N4BP1: variants seen among roughly 807,000 people sequenced by gnomAD.
N4BP1 encodes NEDD4 binding protein 1.
In N4BP1, 21 loss-of-function variants were observed where a neutral mutation model predicts 70.9. The ratio of observed to expected loss-of-function variants is 0.30; its 90% CI spans 0.21 to 0.43. The LOEUF (loss-of-function observed/expected upper bound fraction) is 0.43. Among genes scored for constraint, N4BP1 ranks in the 20% least tolerant of loss-of-function variants. The pLI is 1.00. For missense variants in N4BP1, 936 were observed against 1,069.4 expected (o/e 0.88, Z 1.74); for synonymous variants, 387 against 394.6 (o/e 0.98, Z 0.23).
At chr16:48,553,501 C>A (rs566868701) in intron 3 of N4BP1, 38 bp downstream of exon 3, 152 of 1,513,038 alleles carry the variant, frequency 1.0e-4, no homozygotes, top group Non-Finnish European at 1.3e-4. Flanking sequence ...ACTCATTAAA[C>A]ATTTCACTAG....
In N4BP1 at chr16:48,610,175, C is replaced by G. The variant is rs992637067; in HGVS notation, c.-203G>C. On this transcript the variant is annotated 5_prime_UTR_variant, in exon 1 of 7. Transcript: ENST00000262384. ...AGCTTGGCAATTGCTGGCAGCGAACCCCTCCGCCCCTTTGCCGCCGCCGCG... is the reference window on the plus strand; with the variant it reads ...AGCTTGGCAATTGCTGGCAGCGAACGCCTCCGCCCCTTTGCCGCCGCCGCG... 6.2e-6 allele frequency: 1 copy of G among 162,454 alleles called. No individual in the cohort carries two copies. Among genetic ancestry groups the G allele is most frequent in the Non-Finnish European group, 1.3e-5 (1 of 76,536 alleles). The allele number at this position is 162,454 out of a possible 1,614,324, so 10.1% of individuals were successfully genotyped here.
At chr16:48,589,065 A>G (rs1038976852) in intron 1 of N4BP1, among the ~76,000 whole-genome samples, 1 of 152,178 alleles carries the variant, frequency 6.6e-6, no homozygotes, top group African/African-American at 2.4e-5. Flanking sequence ...TAACTTGTAG[A>G]TTTTTGTCCA....
intron 1 of N4BP1, among the ~76,000 whole-genome samples, chr16:48,595,640 G>A (rs1267718942): frequency 6.6e-6 from 1 of 152,088 alleles, no homozygotes; most frequent in African/African-American, 2.4e-5. Flanking sequence ...TTACATAAGT[G>A]CAATAAGAAT....
In N4BP1 at chr16:48,543,083, T is replaced by G; in HGVS notation, c.2512A>C (p.Ser838Arg). ...PHFPLLPALP[S>R]LQQNLPMPAQ... ...GGCATGGGCAGGTTCTGCTGGAGAC[T>G]GGGGAGGGCTGGCAGCAGTGGGAAG... The change falls in exon 7 of 7, where the codon AGT (serine) becomes CGT (arginine). Residue 838 changes from serine to arginine, a missense_variant. Around this residue, in one of 4 missense-constraint regions of N4BP1, gnomAD observed 229 missense variants for 343.5 expected, o/e 0.67. Transcript: ENST00000262384. The G allele has an allele frequency of 6.2e-7, 1 of 1,613,774 alleles. No homozygotes were observed. Among genetic ancestry groups the G allele is most frequent in the Admixed American group, 1.7e-5 (1 of 60,018 alleles).
At chr16:48,593,815 G>A (rs970585372) in intron 1 of N4BP1, among the ~76,000 whole-genome samples, 1 of 152,064 alleles carries the variant, frequency 6.6e-6, no homozygotes, top group Non-Finnish European at 1.5e-5. Context: ...TTTGAGACTA[G>A]CCTGACCAAT....
chr16:48,565,179 G>C (rs1295978558), intron 1 of N4BP1, among the ~76,000 whole-genome samples: 1 of 152,188 alleles, frequency 6.6e-6, no homozygotes, highest in African/African-American at 2.4e-5. Context: ...GCAGTGGCTA[G>C]AAGTACAGCA....
chr16:48,561,124 C>T lies in N4BP1; in HGVS notation c.1519G>A (p.Val507Ile), dbSNP rs1963849117. ...TGGTGACTTGAAGCTCCCCTTGAAACAAAATTGACTTCTTTGGGACTTGGA... is the reference window on the plus strand; with the variant it reads ...TGGTGACTTGAAGCTCCCCTTGAAATAAAATTGACTTCTTTGGGACTTGGA... ...ASPSPKEVNFVSRGASSHQPR... is the reference protein window; with the variant it reads ...ASPSPKEVNFISRGASSHQPR... Residue 507 changes from valine (V) to isoleucine (I), a missense_variant, in exon 2 of 7, where the codon GTT becomes ATT. Around this residue, in one of 4 missense-constraint regions of N4BP1, gnomAD observed 515 missense variants for 491.7 expected, o/e 1.05. Transcript: ENST00000262384. The T allele has an allele frequency of 6.2e-7, 1 of 1,613,956 alleles. No homozygotes were observed. Among genetic ancestry groups the T allele is most frequent in the South Asian group, 1.1e-5 (1 of 91,088 alleles).
intron 4 of N4BP1, among the ~76,000 whole-genome samples, chr16:48,550,976 G>A (rs1963657762): frequency 6.6e-6 from 1 of 151,866 alleles, no homozygotes; most frequent in African/African-American, 2.4e-5. Flanking sequence ...AGTAGGGTCA[G>A]TTCAGACACT....
intron 3 of N4BP1, among the ~76,000 whole-genome samples, chr16:48,552,095 G>A (rs1395189249): frequency 6.6e-6 from 1 of 152,168 alleles, no homozygotes; most frequent in East Asian, 1.9e-4. Context: ...GAGGGTAGGG[G>A]TGAGGCTAGG....
chr16:48,566,678 T>A (rs1376310480), intron 1 of N4BP1, among the ~76,000 whole-genome samples: 1 of 152,152 alleles, frequency 6.6e-6, no homozygotes, highest in South Asian at 2.1e-4. Flanking sequence ...TGTACTCTGA[T>A]GTTGTTGAGT....
In N4BP1 at chr16:48,542,583, G is replaced by A. The variant is rs370169012; in HGVS notation, c.*321C>T. ...ACCATATCCATTTGTCAATATTTTCGGCTTTAAGGAAAATAGTTTAAAAAA... is the reference window on the plus strand; with the variant it reads ...ACCATATCCATTTGTCAATATTTTCAGCTTTAAGGAAAATAGTTTAAAAAA... On this transcript the variant is annotated 3_prime_UTR_variant, in exon 7 of 7. Coordinates refer to ENST00000262384, the MANE Select transcript of N4BP1 (RefSeq NM_153029.4). The A allele has an allele frequency of 3.0e-5, 6 of 201,062 alleles. No homozygotes were observed. Among genetic ancestry groups the A allele is most frequent in the African/African-American group, 6.9e-5 (3 of 43,192 alleles). 12.5% of individuals were successfully genotyped at this position (201,062 alleles called of 1,614,324 possible). A position where few individuals can be genotyped will look rare whatever the true frequency, so the allele number is the denominator to read the frequency against.
intron 6 of N4BP1, 118 bp downstream of exon 6, chr16:48,546,027 CAA>C (rs200705090): frequency 6.6e-3 from 3,171 of 480,804 alleles, no homozygotes; most frequent in South Asian, 0.011. Flanking sequence ...GACCTTGTCT[CAA>C]AAAAAAAAAA....
At chr16:48,605,567 C>G (rs1964567141) in intron 1 of N4BP1, among the ~76,000 whole-genome samples, 1 of 152,182 alleles carries the variant, frequency 6.6e-6, no homozygotes, top group Admixed American at 6.5e-5. Flanking sequence ...CTCTGGGCCC[C>G]CTATGGACAA....
chr16:48,550,974 C>T (rs1963657710), intron 4 of N4BP1, among the ~76,000 whole-genome samples: 1 of 151,572 alleles, frequency 6.6e-6, no homozygotes, highest in African/African-American at 2.4e-5. Flanking sequence ...ACAGTAGGGT[C>T]AGTTCAGACA....
chr16:48,543,017 C>A lies in N4BP1; in HGVS notation c.2578G>T (p.Ala860Ser). Residue 860 changes from alanine to serine, a missense_variant, in exon 7 of 7, where the codon GCC becomes TCC. By Grantham distance (99) the Ala-to-Ser change is moderately conservative (BLOSUM62 1). Around this residue, in one of 4 missense-constraint regions of N4BP1, gnomAD observed 229 missense variants for 343.5 expected, o/e 0.67. Transcript: ENST00000262384. Reference sequence around the variant, plus strand: ...GAGTCAGGGAAGATCTTCAGAAGGGCTTCCCTCAGCTCGTTGGTTTCTGCA... The same window carrying A: ...GAGTCAGGGAAGATCTTCAGAAGGGATTCCCTCAGCTCGTTGGTTTCTGCA... ...SSAETNELREALLKIFPDSEQ... is the reference protein window; with the variant it reads ...SSAETNELRESLLKIFPDSEQ... 1.2e-6 allele frequency: 2 copies of A among 1,613,934 alleles called. No homozygotes were observed. The highest frequency in any genetic ancestry group is 2.7e-5 in the African/African-American group (2 of 75,060).
In N4BP1 at chr16:48,609,761, G is replaced by C; in HGVS notation, c.198+14C>G. 7.4e-7 allele frequency: 1 copy of C among 1,342,332 alleles called. No homozygotes were observed. Among genetic ancestry groups the C allele is most frequent in the East Asian group, 3.2e-5 (1 of 31,540 alleles). 83.2% of individuals were successfully genotyped at this position (1,342,332 alleles called of 1,614,324 possible). On this transcript the variant is annotated intron_variant, in intron 1 of 6. Coordinates refer to ENST00000262384, the MANE Select transcript of N4BP1 (RefSeq NM_153029.4). ...TCGAGGCCGCGGGCGCGCGGGGGCG[G>C]CGGCCGGACTCACCTTGGCGCTGTG...
At chr16:48,604,420 G>T (rs1344119548) in intron 1 of N4BP1, among the ~76,000 whole-genome samples, 1 of 151,954 alleles carries the variant, frequency 6.6e-6, no homozygotes, top group Non-Finnish European at 1.5e-5. Flanking sequence ...GGGCATGGTG[G>T]CACATGCCTG....
Position 48,610,022 on chromosome 16 carries a change from C to A in N4BP1, c.-50G>T. 1.9e-6 allele frequency: 2 copies of A among 1,037,260 alleles called. No homozygotes were observed. The highest frequency in any genetic ancestry group is 2.3e-6 in the Non-Finnish European group (2 of 852,466). The allele number at this position is 1,037,260 out of a possible 1,614,324, so 64.3% of individuals were successfully genotyped here. ...CGCCGGGGGCCGGCGGCGGCGACGC[C>A]CCCTCAGCTTGCTGCCGCTGCTCCC... On this transcript the variant is annotated 5_prime_UTR_variant, in exon 1 of 7. Coordinates refer to ENST00000262384, the MANE Select transcript of N4BP1 (RefSeq NM_153029.4).
intron 4 of N4BP1, among the ~76,000 whole-genome samples, chr16:48,549,655 A>T (rs2151085823): frequency 6.6e-6 from 1 of 152,244 alleles, no homozygotes; most frequent in Non-Finnish European, 1.5e-5. Context: ...ATGCCACCTG[A>T]GTCTCACCCA....
Sources: gnomAD v4.1 joint callset for allele counts (sites outside exome capture counted in the v4.1 genomes callset) on GRCh38, gnomAD v4.1.1 for gene constraint, gnomAD v4.1.1 regional missense constraint, MANE v1.5 for transcripts, NCBI Gene and HGNC (gene_info 2026-07-23, HGNC 2026-07-21) for gene names.